GOLGB1: variants seen among roughly 807,000 people sequenced by gnomAD.
GOLGB1 encodes golgin subfamily B member 1.
A neutral mutation model predicts 336.9 loss-of-function variants in GOLGB1; 174 were observed. The ratio of observed to expected loss-of-function variants is 0.52; its 90% confidence interval spans 0.46 to 0.59. GOLGB1 has a LOEUF of 0.59. GOLGB1 is among the 20% of genes least tolerant of loss of function. The pLI, the probability that GOLGB1 is intolerant of heterozygous loss-of-function variation, is 0.00. For missense variants in GOLGB1, 3,331 were observed against 3,645.3 expected (o/e 0.91, Z 2.22); for synonymous variants, 1,208 against 1,289.2 (o/e 0.94, Z 1.35).
At chr3:121,732,590 T>C (rs942462868) in intron 1 of GOLGB1, among the ~76,000 whole-genome samples, 7 of 152,224 alleles carry the variant, frequency 4.6e-5, no homozygotes, top group African/African-American at 1.4e-4. Context: ...TAATTCACCA[T>C]ATTAACAGAC....
chr3:121,699,740 C>T (rs568574212), intron 12 of GOLGB1, 72 bp downstream of exon 12: 31 of 846,190 alleles, frequency 3.7e-5, no homozygotes, highest in Admixed American at 6.6e-5. Flanking sequence ...AAATTATGGA[C>T]GTATTTTCAT....
At position 121,696,894 on chromosome 3, in the gene GOLGB1, A is replaced by G; in HGVS notation, c.3629T>C (p.Leu1210Pro). ...QEKERHLREE[L>P]KQQKDDYNRL... ...ATTATAGTCATCTTTCTGTTGCTTT[A>G]GCTCCTCCCTGAGATGTCTTTCTTT... Residue 1210 changes from leucine (L) to proline (P), a missense_variant, in exon 13 of 22, where the codon CTA (leucine) becomes CCA (proline). Coordinates refer to ENST00000614479, the MANE Select transcript of GOLGB1 (RefSeq NM_001366282.2). 1 of 1,614,118 alleles carries G rather than the reference A, an allele frequency of 6.2e-7. No individual in the cohort carries two copies. The highest frequency in any genetic ancestry group is 8.5e-7 in the Non-Finnish European group (1 of 1,179,980).
intron 17 of GOLGB1, among the ~76,000 whole-genome samples, chr3:121,671,106 G>C (rs1441527220): frequency 1.3e-5 from 2 of 152,180 alleles, no homozygotes; most frequent in African/African-American, 4.8e-5. Flanking sequence ...GCAAAGATGA[G>C]TAGTTGTTAA....
rs1310276133 is a variant in GOLGB1 at position 121,694,361 on chromosome 3, T to C, written c.6162A>G (p.Gln2054=). The C allele has an allele frequency of 1.2e-6, 2 of 1,613,332 alleles. No homozygotes were observed. The highest frequency in any genetic ancestry group is 1.7e-6 in the Non-Finnish European group (2 of 1,179,920). Reference sequence around the variant, plus strand: ...TTTCCAAATCTTTTTGAGATTCAGTTTGAACAAATTCTAGAGCTTTAACAG... The same window carrying C: ...TTTCCAAATCTTTTTGAGATTCAGTCTGAACAAATTCTAGAGCTTTAACAG... ...ERTVKALEFV[Q]TESQKDLEIT... The change falls in exon 13 of 22, where the codon CAA becomes CAG. Residue 2054 remains glutamine, a synonymous_variant. Transcript: ENST00000614479.
chr3:121,726,082 C>T (rs1400981112), intron 5 of GOLGB1, among the ~76,000 whole-genome samples: 1 of 148,684 alleles, frequency 6.7e-6, no homozygotes, highest in Non-Finnish European at 1.5e-5. Context: ...ACCAGAGCCA[C>T]ACTAAAAAAA....
intron 14 of GOLGB1, 69 bp downstream of exon 14, chr3:121,690,601 A>G (rs904334874): frequency 1.3e-6 from 1 of 779,068 alleles, no homozygotes; most frequent in Non-Finnish European, 1.9e-6. Flanking sequence ...ATCCTTTTCT[A>G]TAAAAATAAA....
At chr3:121,738,655 G>T (rs554744992) in intron 1 of GOLGB1, among the ~76,000 whole-genome samples, 4 of 152,182 alleles carry the variant, frequency 2.6e-5, no homozygotes, top group Non-Finnish European at 4.4e-5. Context: ...GCCTACGAGG[G>T]CTGAAAGAGC....
rs1387492181 is a variant in GOLGB1, at chr3:121,691,858, G to C, written c.7506C>G (p.Leu2502=). The C allele has an allele frequency of 3.7e-6, 6 of 1,612,514 alleles. No homozygotes were observed. In the South Asian group the frequency reaches 6.6e-5, roughly 18 times the overall value. The change falls in exon 14 of 22, where the codon CTC becomes CTG. Residue 2502 remains leucine (L), a synonymous_variant. Coordinates refer to ENST00000614479, the MANE Select transcript of GOLGB1 (RefSeq NM_001366282.2). ...HLSIILEKDQ[L]IQEAAAENNK... ...TATTCTCTGCAGCAGCCTCTTGGAT[G>C]AGTTGGTCTTTTTCCAAGATTATAG...
intron 5 of GOLGB1, 44 bp from the exon 6 acceptor site, chr3:121,722,422 A>C (rs754042857): frequency 9.8e-6 from 10 of 1,022,042 alleles, no homozygotes; most frequent in Non-Finnish European, 1.5e-5. Flanking sequence ...TTATTTAAGC[A>C]AAAGAATGAG....
chr3:121,693,985 G>C lies in GOLGB1; in HGVS notation c.6538C>G (p.Gln2180Glu), dbSNP rs1205046678. 1.2e-6 allele frequency: 2 copies of C among 1,614,104 alleles called. No homozygotes were observed. The highest frequency in any genetic ancestry group is 2.2e-5 in the East Asian group (1 of 44,870). The change falls in exon 13 of 22, where the codon CAA becomes GAA. Residue 2180 changes from glutamine to glutamate, a missense_variant. By Grantham distance (29) the Gln-to-Glu change is conservative. Transcript: ENST00000614479. ...TLNKKDKEVQ[Q>E]LQENLDSTVT... ...GTACTGTCCAAGTTTTCCTGAAGTTGCTGAACTTCCTTGTCTTTCTTGTTC... is the reference window on the plus strand; with the variant it reads ...GTACTGTCCAAGTTTTCCTGAAGTTCCTGAACTTCCTTGTCTTTCTTGTTC...
chr3:121,735,667 G>C (rs1453301872), intron 1 of GOLGB1, among the ~76,000 whole-genome samples: 1 of 152,186 alleles, frequency 6.6e-6, no homozygotes, highest in African/African-American at 2.4e-5. Flanking sequence ...ATTAGAGTCA[G>C]AGATATCAGT....
intron 17 of GOLGB1, among the ~76,000 whole-genome samples, chr3:121,675,088 G>A (rs978821704): frequency 1.2e-4 from 18 of 150,742 alleles, no homozygotes; most frequent in East Asian, 3.9e-4. Flanking sequence ...CACCCGCCTC[G>A]GCCTCCCAAA....
At chr3:121,670,071 A>C (rs1007563255) in intron 17 of GOLGB1, among the ~76,000 whole-genome samples, 1 of 152,188 alleles carries the variant, frequency 6.6e-6, no homozygotes, top group African/African-American at 2.4e-5. Flanking sequence ...AACCCAAACC[A>C]TTTAAAAAAC....
intron 6 of GOLGB1, among the ~76,000 whole-genome samples, chr3:121,720,610 T>C (rs1176513879): frequency 1.3e-5 from 2 of 152,188 alleles, no homozygotes; most frequent in Non-Finnish European, 2.9e-5. Flanking sequence ...TCTTTTTTGG[T>C]AGGAGAAAAA....
At chr3:121,688,531 T>G (rs376920340) in intron 14 of GOLGB1, among the ~76,000 whole-genome samples, 1 of 151,882 alleles carries the variant, frequency 6.6e-6, no homozygotes, top group Non-Finnish European at 1.5e-5. Context: ...GATCTCGGCT[T>G]GCTACAACCT....
At chr3:121,735,839 C>T (rs1364178740) in intron 1 of GOLGB1, among the ~76,000 whole-genome samples, 1 of 152,166 alleles carries the variant, frequency 6.6e-6, no homozygotes, top group Non-Finnish European at 1.5e-5. Flanking sequence ...GCAATGAGCG[C>T]ATCCAGATCT....
At chr3:121,709,755 C>T (rs1332862452) in intron 10 of GOLGB1, among the ~76,000 whole-genome samples, 2 of 151,798 alleles carry the variant, frequency 1.3e-5, no homozygotes, top group East Asian at 3.9e-4. Context: ...CCTTAAGAAG[C>T]TATAAAAAGA....
In GOLGB1 at chr3:121,727,329, T is replaced by A. The variant is rs1427111062; in HGVS notation, c.403-288A>T. On this transcript the variant is annotated intron_variant, in intron 4 of 21. Coordinates refer to ENST00000614479, the MANE Select transcript of GOLGB1 (RefSeq NM_001366282.2). ...ATATATATATATATATATTTTTTTTTTTTTTTTTTTTTTTTTTTTCCCTCA... is the reference window on the plus strand; with the variant it reads ...ATATATATATATATATATTTTTTTTATTTTTTTTTTTTTTTTTTTCCCTCA... Among the ~76,000 whole-genome samples, 806 of 121,932 alleles carry A rather than the reference T, an allele frequency of 6.6e-3. 2 individuals carry two copies. The highest frequency in any genetic ancestry group is 0.011 in the Non-Finnish European group (621 of 57,818). 80.0% of individuals were successfully genotyped at this position (121,932 alleles called of 152,430 possible).
chr3:121,696,638 A>G lies in GOLGB1; in HGVS notation c.3885T>C (p.Ser1295=). ...GCAGAGCACTCGCATCTTCAGAATG[A>G]GAAGGCCAGTCTGGGCACAAGTTGG... ...LESNLCPDWP[S]HSEDASALQG... is the part of the protein sequence containing the mutation. The change falls in exon 13 of 22, where the codon TCT becomes TCC. Residue 1295 remains serine, a synonymous_variant. Transcript: ENST00000614479. The G allele has an allele frequency of 6.2e-7, 1 of 1,614,190 alleles. No individual in the cohort carries two copies.
Sources: gnomAD v4.1 joint callset for allele counts (sites outside exome capture counted in the v4.1 genomes callset) on GRCh38, gnomAD v4.1.1 for gene constraint, MANE v1.5 for transcripts, NCBI Gene and HGNC (gene_info 2026-07-23, HGNC 2026-07-21) for gene names.